Variants in HERC1 observed in about 807,000 individuals in gnomAD.
HERC1 encodes HECT and RLD domain containing E3 ubiquitin protein ligase family member 1, also known as probable E3 ubiquitin-protein ligase HERC1.
HERC1 carries 160 observed loss-of-function variants against 554.3 expected under a neutral mutation model. The observed-to-expected ratio is 0.29, with a 90% confidence interval of 0.25 to 0.33. The LOEUF is 0.33. Ranked by LOEUF, HERC1 falls within the 10% of genes least tolerant of loss-of-function variation. The pLI, the probability that HERC1 is intolerant of heterozygous loss-of-function variation, is 1.00. For synonymous variants in HERC1, 2,175 were observed against 2,131.7 expected (o/e 1.02, Z -0.56); for missense variants, 4,919 against 5,918.5 (o/e 0.83, Z 5.54).
intron 74 of HERC1, among the ~76,000 whole-genome samples, chr15:63,619,573 A>G (rs1205958489): frequency 1.3e-5 from 2 of 152,216 alleles, no homozygotes; most frequent in Non-Finnish European, 2.9e-5. Context: ...AAGGAATGGT[A>G]CCAGCTCCTC....
Position 63,696,248 on chromosome 15 carries a change from G to A in HERC1, c.4997C>T (p.Ser1666Leu). 6.2e-7 allele frequency: 1 copy of A among 1,613,030 alleles called. No homozygotes were observed. The highest frequency in any genetic ancestry group is 8.5e-7 in the Non-Finnish European group (1 of 1,179,332). ...GAGTAGTGTGGAGGACTGGAAGCCT[G>A]AACTCAATCTGCTTCCTGCCAGTGA... is the stretch of plus-strand genomic sequence containing the variant. ...SISLAGSRLS[S>L]GFQSSTLLTS... Residue 1666 changes from serine (S) to leucine (L), a missense_variant, in exon 27 of 78, where the codon TCA becomes TTA. Around this residue, in one of 11 missense-constraint regions of HERC1, gnomAD observed 1,121 missense variants for 1,244.0 expected, o/e 0.90. Transcript: ENST00000443617.
At chr15:63,693,902 T>C (rs1162629030) in intron 30 of HERC1, 62 bp downstream of exon 30, 1 of 1,477,630 alleles carries the variant, frequency 6.8e-7, no homozygotes. Flanking sequence ...CCTAATCATA[T>C]GCACACAATG....
At chr15:63,741,736 G>C (rs1160948547) in intron 12 of HERC1, among the ~76,000 whole-genome samples, 2 of 152,176 alleles carry the variant, frequency 1.3e-5, no homozygotes, top group Non-Finnish European at 2.9e-5. Context: ...AGTACCATGA[G>C]ACACTATTCT....
At chr15:63,789,205 C>T (rs1156562125) in intron 1 of HERC1, among the ~76,000 whole-genome samples, 3 of 145,564 alleles carry the variant, frequency 2.1e-5, no homozygotes, top group Non-Finnish European at 4.5e-5. Context: ...ATTCTCCTGC[C>T]TCAGCCTCCC....
At chr15:63,714,752 T>C (rs1847631701) in intron 22 of HERC1, among the ~76,000 whole-genome samples, 1 of 151,964 alleles carries the variant, frequency 6.6e-6, no homozygotes, top group African/African-American at 2.4e-5. Flanking sequence ...TTTCACCATG[T>C]TGGCCAGTCT....
At chr15:63,702,326 T>C (rs1305748468) in intron 25 of HERC1, among the ~76,000 whole-genome samples, 1 of 152,156 alleles carries the variant, frequency 6.6e-6, no homozygotes, top group Non-Finnish European at 1.5e-5. Context: ...CACCCATACA[T>C]GTTATACCAT....
intron 54 of HERC1, among the ~76,000 whole-genome samples, chr15:63,648,405 A>T (rs1185815628): frequency 1.3e-5 from 2 of 152,238 alleles, no homozygotes. Flanking sequence ...TATCTGTGAC[A>T]AGGGCTACCT....
Position 63,678,314 on chromosome 15 carries a change from C to T in HERC1, c.6601G>A (p.Gly2201Arg). The T allele has an allele frequency of 6.2e-7, 1 of 1,612,870 alleles. No individual in the cohort carries two copies. The highest frequency in any genetic ancestry group is 8.5e-7 in the Non-Finnish European group (1 of 1,179,460). Reference protein sequence around the residue: ...MRGTPRDLLPGDPICSPVAAV... With the variant: ...MRGTPRDLLPRDPICSPVAAV... The stretch of plus-strand genomic sequence containing the variant: ...GCTACTGGACTACAAATAGGGTCTC[C>T]TGGAAGTAAGTCTCGGGGTGTGCCA... Residue 2201 changes from glycine (G) to arginine (R), a missense_variant, in exon 37 of 78, where the codon GGA becomes AGA. By Grantham distance (125) the Gly-to-Arg change is moderately radical. This residue lies in a region of HERC1 where 1,963 missense variants were observed against 2,228.6 expected (regional missense o/e 0.88). Transcript: ENST00000443617.
intron 1 of HERC1, among the ~76,000 whole-genome samples, chr15:63,806,409 A>G (rs1439661312): frequency 6.6e-6 from 1 of 152,112 alleles, no homozygotes; most frequent in African/African-American, 2.4e-5. Context: ...ACCAACACAG[A>G]TTTACTCACT....
Position 63,637,650 on chromosome 15 carries a change from T to C in HERC1, c.12094-7A>G. ...AATTCTGACCACAAATGACCTAGTA[T>C]AAAAACACAGAATTAAATATTTTAT... On this transcript the variant is annotated splice_polypyrimidine_tract_variant and splice_region_variant and intron_variant, in intron 63 of 77. Coordinates refer to ENST00000443617, the MANE Select transcript of HERC1 (RefSeq NM_003922.4). The C allele has an allele frequency of 4.5e-6, 7 of 1,542,986 alleles. No individual in the cohort carries two copies. The highest frequency in any genetic ancestry group is 1.7e-4 in the Middle Eastern group (1 of 5,964).
chr15:63,790,231 T>C (rs1162758789), intron 1 of HERC1, among the ~76,000 whole-genome samples: 1 of 152,238 alleles, frequency 6.6e-6, no homozygotes, highest in African/African-American at 2.4e-5. Context: ...ATTATCATTT[T>C]ATTATTGCTA....
At chr15:63,810,227 T>C (rs953381484) in intron 1 of HERC1, among the ~76,000 whole-genome samples, 3 of 152,150 alleles carry the variant, frequency 2.0e-5, no homozygotes, top group Non-Finnish European at 4.4e-5. Flanking sequence ...CCAATGTTAA[T>C]AGGAGCATTA....
chr15:63,649,702 T>C lies in HERC1; in HGVS notation c.10747+23A>G, dbSNP rs2069571283. 4 of 1,592,642 alleles carry C rather than the reference T, an allele frequency of 2.5e-6. No homozygotes were observed. In the East Asian group the frequency reaches 9.0e-5, roughly 36 times the overall value. ...AAAGGAAGTTGGAGACTCCGTCAGC[T>C]AGACGTAAGTGCAGTCATTTACCAT... On this transcript the variant is annotated intron_variant, in intron 54 of 77. Coordinates refer to ENST00000443617, the MANE Select transcript of HERC1 (RefSeq NM_003922.4).
chr15:63,616,529 G>T lies in HERC1; in HGVS notation c.13842C>A (p.Thr4614=). The T allele has an allele frequency of 1.9e-6, 3 of 1,613,954 alleles. No individual in the cohort carries two copies. Among genetic ancestry groups the T allele is most frequent in the Non-Finnish European group, 2.5e-6 (3 of 1,179,874 alleles). ...VWKQLCCVPL[T]LEDLEEVDLL... The stretch of plus-strand genomic sequence containing the variant: ...GATCCACCTCCTCCAGGTCCTCTAG[G>T]GTGAGTGGGACACAGCACAGCTGCT... Residue 4614 remains threonine (T), a synonymous_variant, in exon 75 of 78, where the codon ACC becomes ACA. Coordinates refer to ENST00000443617, the MANE Select transcript of HERC1 (RefSeq NM_003922.4).
In HERC1 at chr15:63,637,740, T is replaced by C. The variant is rs2152828112; in HGVS notation, c.12094-97A>G. 40 of 1,028,134 alleles carry C rather than the reference T, an allele frequency of 3.9e-5. No homozygotes were observed. In the South Asian group the frequency reaches 5.6e-4, roughly 14 times the overall value. 63.7% of individuals were successfully genotyped at this position (1,028,134 alleles called of 1,614,324 possible). A position where few individuals can be genotyped will look rare whatever the true frequency, so the allele number is the denominator to read the frequency against. On this transcript the variant is annotated intron_variant, in intron 63 of 77. Transcript: ENST00000443617. ...ATTCCACGTATACATAGAATGCTTT[T>C]ATAATTGTTTTATCCTTTTACTGAA...
intron 1 of HERC1, among the ~76,000 whole-genome samples, chr15:63,817,447 G>A (rs186012143): frequency 1.6e-4 from 25 of 152,244 alleles, no homozygotes; most frequent in Admixed American, 7.8e-4. Context: ...GGGTGTGGTC[G>A]CTCACACCTG....
At chr15:63,617,460 A>C (rs190037656) in intron 74 of HERC1, among the ~76,000 whole-genome samples, 1 of 152,326 alleles carries the variant, frequency 6.6e-6, no homozygotes, top group Admixed American at 6.5e-5. Context: ...ATAGTGCCGC[A>C]ATAAACATAC....
chr15:63,826,805 AAAAAAAAAAATATAT>A (rs1449548668), intron 1 of HERC1, among the ~76,000 whole-genome samples: 5 of 73,598 alleles, frequency 6.8e-5, no homozygotes, highest in Non-Finnish European at 8.0e-5. Context: ...AAAAAAAAAA[AAAAAAAAAAATATAT>A]ATATATATAT....
chr15:63,695,999 A>G, intron 27 of HERC1, 125 bp downstream of exon 27: 1 of 671,048 alleles, frequency 1.5e-6, no homozygotes, highest in Non-Finnish European at 2.6e-6. Flanking sequence ...CCAAGGAGCT[A>G]TCTTAAAAAA....
Sources: allele counts gnomAD v4.1 joint callset (sites outside exome capture counted in the v4.1 genomes callset), GRCh38; gene constraint gnomAD v4.1.1; regional missense constraint gnomAD v4.1.1; transcripts MANE v1.5; gene names NCBI Gene and HGNC (gene_info 2026-07-23, HGNC 2026-07-21).